TRAM2: variants seen among roughly 807,000 people sequenced by gnomAD.
TRAM2 encodes translocation associated membrane protein 2, also known as translocating chain-associated membrane protein 2.
TRAM2 carries 12 observed loss-of-function variants against 51.0 expected under a neutral mutation model. The observed-to-expected ratio is 0.24, with a 90% CI of 0.15 to 0.38. TRAM2 has a LOEUF of 0.38. Among genes scored for constraint, TRAM2 ranks in the 10% least tolerant of loss-of-function variants. TRAM2 has a pLI of 1.00. For missense variants in TRAM2, 361 were observed against 462.0 expected (o/e 0.78, Z 2.00); for synonymous variants, 175 against 179.4 (o/e 0.98, Z 0.20).
In TRAM2 at chr6:52,508,293, A is replaced by T; in HGVS notation, c.496T>A (p.Cys166Ser). 6.2e-7 allele frequency: 1 copy of T among 1,613,958 alleles called. No individual in the cohort carries two copies. The highest frequency in any genetic ancestry group is 8.5e-7 in the Non-Finnish European group (1 of 1,180,022). Residue 166 changes from cysteine (C) to serine (S), a missense_variant, in exon 6 of 11, where the codon TGC (cysteine) becomes AGC (serine). Physicochemically the swap from Cys to Ser is moderately radical, Grantham distance 112. Transcript: ENST00000182527. Reference protein sequence around the residue: ...LPFQVKFFYLCQLAYWLHALP... With the variant: ...LPFQVKFFYLSQLAYWLHALP... ...GCGTGCAGCCAGTAGGCCAGCTGGC[A>T]TAGGTAGAAAAACTTCACCTGGAAG...
chr6:52,557,841 T>C (rs1362510141), intron 1 of TRAM2, among the ~76,000 whole-genome samples: 1 of 152,134 alleles, frequency 6.6e-6, no homozygotes, highest in Non-Finnish European at 1.5e-5. Flanking sequence ...CTGCAATCTG[T>C]TTAGTTTTAC....
chr6:52,511,593 GT>G (rs1766453103), intron 4 of TRAM2, among the ~76,000 whole-genome samples: 1 of 152,190 alleles, frequency 6.6e-6, no homozygotes, highest in South Asian at 2.1e-4. Context: ...GGCCAACAGG[GT>G]TTAGTAAGAA....
chr6:52,562,681 G>T (rs1226904269), intron 1 of TRAM2, among the ~76,000 whole-genome samples: 1 of 152,088 alleles, frequency 6.6e-6, no homozygotes, highest in Non-Finnish European at 1.5e-5. Context: ...CCTACATTAG[G>T]TATTTCTCCT....
intron 10 of TRAM2, 28 bp downstream of exon 10, chr6:52,504,561 CCA>C: frequency 6.2e-7 from 1 of 1,613,174 alleles, no homozygotes; most frequent in Non-Finnish European, 8.5e-7. Context: ...TTCCCTGGCT[CCA>C]CTCTCTGCCA....
Position 52,537,595 on chromosome 6 carries a change from C to T in TRAM2, c.121-1749G>A, listed in dbSNP as rs560432247. Among the ~76,000 whole-genome samples the T allele has an allele frequency of 7.2e-5, 11 of 152,210 alleles. 1 individual carries two copies. The South Asian group carries it at 1.9e-3, about 26-fold the overall frequency. ...TTCAAGGGGCATGATCTCTGCTTGC[C>T]GGATGCACTCTGTGTCATGCTCTGC... On this transcript the variant is annotated intron_variant, in intron 1 of 10. Transcript: ENST00000182527.
chr6:52,505,848 C>T, intron 8 of TRAM2, 106 bp from the exon 9 acceptor site: 1 of 1,484,476 alleles, frequency 6.7e-7, no homozygotes, highest in Non-Finnish European at 9.0e-7. Context: ...TCAAGGGTGG[C>T]TGGGGAAAGT....
In TRAM2 at chr6:52,506,151, G is replaced by A. The variant is rs751475371; in HGVS notation, c.627-15C>T. The A allele has an allele frequency of 1.2e-6, 2 of 1,610,472 alleles. No individual in the cohort carries two copies. Among genetic ancestry groups the A allele is most frequent in the Non-Finnish European group, 8.5e-7 (1 of 1,178,080 alleles). On this transcript the variant is annotated splice_polypyrimidine_tract_variant and intron_variant, in intron 7 of 10. Coordinates refer to ENST00000182527, the MANE Select transcript of TRAM2 (RefSeq NM_012288.4). ...GGCGGCTCAGGCTGGGGGTGGGGAA[G>A]ACTAGACTTACATTCCCTCCAAGAT...
Position 52,504,700 on chromosome 6 carries a change from G to A in TRAM2, c.930C>T (p.Phe310=), listed in dbSNP as rs764609476. 1.2e-5 allele frequency: 20 copies of A among 1,612,630 alleles called. No homozygotes were observed. In the South Asian group the frequency reaches 2.1e-4, roughly 17 times the overall value. The change falls in exon 10 of 11, where the codon TTC becomes TTT. Residue 310 remains phenylalanine, a synonymous_variant. Coordinates refer to ENST00000182527, the MANE Select transcript of TRAM2 (RefSeq NM_012288.4). The stretch of plus-strand genomic sequence containing the variant: ...GCCAGTGCCGCAGCTGGGAGTGGAT[G>A]AAGCGCCACATGAGCCAGGCCTGGG... ...CAAQAWLMWR[F]IHSQLRHWRE...
intron 2 of TRAM2, chr6:52,522,968 CACA>C (rs1562479278): frequency 1.4e-6 from 1 of 700,452 alleles, no homozygotes; most frequent in South Asian, 1.5e-5. Context: ...ACCTCCTCTG[CACA>C]ACCTGAGCTG....
rs1050786329 is a variant in TRAM2, at chr6:52,565,052, G to A, written c.120+11744C>T. On this transcript the variant is annotated intron_variant, in intron 1 of 10. Transcript: ENST00000182527. The stretch of plus-strand genomic sequence containing the variant: ...CAATGAGGGTCAGGGCAGGGACGAG[G>A]CCTGAGGGAGGTGCAGAGTCCAGGA... 2.6e-5 allele frequency among the ~76,000 whole-genome samples: 4 copies of A among 152,330 alleles called. No individual in the cohort carries two copies. The East Asian group carries it at 7.7e-4, about 29-fold the overall frequency.
chr6:52,552,123 G>A (rs1322855854), intron 1 of TRAM2, among the ~76,000 whole-genome samples: 1 of 152,234 alleles, frequency 6.6e-6, no homozygotes, highest in Non-Finnish European at 1.5e-5. Context: ...GCCCCAGACT[G>A]AGCCCTGGCA....
chr6:52,546,666 T>C (rs1250479005), intron 1 of TRAM2, among the ~76,000 whole-genome samples: 2 of 152,056 alleles, frequency 1.3e-5, no homozygotes, highest in East Asian at 3.9e-4. Flanking sequence ...CTAGGGGTGA[T>C]GACAGATATT....
intron 1 of TRAM2, among the ~76,000 whole-genome samples, chr6:52,541,836 T>C (rs1471476875): frequency 5.6e-5 from 8 of 142,646 alleles, no homozygotes; most frequent in South Asian, 4.5e-4. Flanking sequence ...CATCCATGCA[T>C]TGGCACTTGG....
At chr6:52,560,427 C>A (rs942153287) in intron 1 of TRAM2, among the ~76,000 whole-genome samples, 2 of 152,164 alleles carry the variant, frequency 1.3e-5, no homozygotes, top group Non-Finnish European at 2.9e-5. Context: ...CCTATACATA[C>A]TAATTTGTAA....
chr6:52,517,670 G>A (rs547843320), intron 2 of TRAM2, among the ~76,000 whole-genome samples: 1 of 152,352 alleles, frequency 6.6e-6, no homozygotes, highest in East Asian at 1.9e-4. Flanking sequence ...GCTGCTCTCT[G>A]CAACCCCCAC....
At chr6:52,547,928 G>T (rs1475826773) in intron 1 of TRAM2, among the ~76,000 whole-genome samples, 1 of 152,206 alleles carries the variant, frequency 6.6e-6, no homozygotes, top group Non-Finnish European at 1.5e-5. Flanking sequence ...GGCAATTCCA[G>T]ATCTGACAAT....
intron 10 of TRAM2, among the ~76,000 whole-genome samples, chr6:52,503,653 C>T (rs1766284214): frequency 6.6e-6 from 1 of 152,170 alleles, no homozygotes; most frequent in East Asian, 1.9e-4. Context: ...CTCAGTTCTT[C>T]TCAGGCCCCT....
intron 8 of TRAM2, 97 bp downstream of exon 8, chr6:52,505,935 C>T: frequency 2.1e-6 from 3 of 1,437,086 alleles, no homozygotes; most frequent in East Asian, 2.3e-5. Flanking sequence ...GGTAAGCGGG[C>T]AGTGTGCAAC....
chr6:52,569,863 G>A (rs1262106405), intron 1 of TRAM2, among the ~76,000 whole-genome samples: 1 of 152,080 alleles, frequency 6.6e-6, no homozygotes, highest in Non-Finnish European at 1.5e-5. Flanking sequence ...TCAATTTCAA[G>A]ACTTCTACAC....
Sources: gnomAD v4.1 joint callset for allele counts (sites outside exome capture counted in the v4.1 genomes callset) on GRCh38, gnomAD v4.1.1 for gene constraint, MANE v1.5 for transcripts, NCBI Gene and HGNC (gene_info 2026-07-23, HGNC 2026-07-21) for gene names.